The following DPP6 variants were observed in gnomAD, a reference collection of about 807,000 sequenced individuals.
DPP6 encodes the protein A-type potassium channel modulatory protein DPP6.
Under a neutral mutation model 122.6 loss-of-function variants are expected in DPP6, and 69 were observed. The ratio of observed to expected loss-of-function variants is 0.56; its 90% CI spans 0.46 to 0.69. DPP6 has a LOEUF of 0.69. DPP6 is among the 30% of genes least tolerant of loss of function. The pLI, the probability that DPP6 is intolerant of heterozygous loss-of-function variation, is 0.00. For missense variants in DPP6, 928 were observed against 1,116.9 expected (o/e 0.83, Z 2.41); for synonymous variants, 418 against 433.1 (o/e 0.97, Z 0.43).
At chr7:154,058,616 C>CA (rs1424836367) in intron 1 of DPP6, 4 of 148,348 alleles carry the variant, frequency 2.7e-5, no homozygotes, top group Admixed American at 2.7e-4. Flanking sequence ...CTTCCCCCCC[C>CA]AGCTTAGGAC....
At chr7:154,368,694 G>A (rs950830835) in intron 1 of DPP6, among the ~76,000 whole-genome samples, 1 of 152,212 alleles carries the variant, frequency 6.6e-6, no homozygotes, top group Non-Finnish European at 1.5e-5. Flanking sequence ...GCATTCCTAC[G>A]CATGATGTTA....
At chr7:154,159,521 T>G (rs1796867336) in intron 1 of DPP6, among the ~76,000 whole-genome samples, 1 of 152,266 alleles carries the variant, frequency 6.6e-6, no homozygotes, top group African/African-American at 2.4e-5. Context: ...TTTATTCAGA[T>G]CAAATGGATC....
chr7:154,266,447 T>C (rs952965991), intron 1 of DPP6, among the ~76,000 whole-genome samples: 7 of 152,076 alleles, frequency 4.6e-5, no homozygotes, highest in Admixed American at 4.6e-4. Flanking sequence ...GGTGTGGTGG[T>C]GCACACCTGT....
Position 154,011,588 on chromosome 7 carries a change from C to T in DPP6, c.51+123854C>T, listed in dbSNP as rs544095192. On this transcript the variant is annotated intron_variant, in intron 1 of 25. Coordinates refer to the DPP6 transcript ENST00000404039. ...TTCACTAAGAACATAACATCCAAGA[C>T]GAGAGATCAATTTTGCATATTATTA... Among the ~76,000 whole-genome samples, 45 of 152,168 alleles carry T rather than the reference C, an allele frequency of 3.0e-4. 1 individual carries two copies. The highest frequency in any genetic ancestry group is 2.1e-4 in the South Asian group (1 of 4,818).
At chr7:154,608,413 T>G (rs1471884284) in intron 5 of DPP6, among the ~76,000 whole-genome samples, 1 of 145,794 alleles carries the variant, frequency 6.9e-6, no homozygotes, top group Non-Finnish European at 1.5e-5. Context: ...CTGCAACCTC[T>G]GCCTCCCAGG....
At chr7:153,780,480 C>T in the DPP6 span, among the ~76,000 whole-genome samples, 2 of 152,078 alleles carry the variant, frequency 1.3e-5, no homozygotes, top group Non-Finnish European at 2.9e-5. Context: ...GTGCCAGGTA[C>T]ACAAACACAA....
the DPP6 span, among the ~76,000 whole-genome samples, chr7:153,806,770 A>G: frequency 6.6e-6 from 1 of 151,962 alleles, no homozygotes; most frequent in Non-Finnish European, 1.5e-5. Context: ...AGGAATGCCC[A>G]TTTCTCTTTG....
At chr7:154,610,688 T>G (rs1479925627) in intron 5 of DPP6, among the ~76,000 whole-genome samples, 1 of 149,088 alleles carries the variant, frequency 6.7e-6, no homozygotes, top group Non-Finnish European at 1.5e-5. Context: ...TTTTTTATTA[T>G]TTGTGTCTGT....
chr7:154,408,500 A>G (rs983535145), intron 1 of DPP6, among the ~76,000 whole-genome samples: 10 of 152,180 alleles, frequency 6.6e-5, no homozygotes, highest in Middle Eastern at 3.2e-3. Context: ...AAAAGTTTCA[A>G]TGATAGTACA....
At chr7:154,790,123 A>G (rs1797581385) in intron 10 of DPP6, among the ~76,000 whole-genome samples, 1 of 152,206 alleles carries the variant, frequency 6.6e-6, no homozygotes, top group African/African-American at 2.4e-5. Context: ...ACTTGAACCC[A>G]GGAGGCGGAG....
At position 154,733,056 on chromosome 7, in the gene DPP6, A is replaced by T. The variant is rs181346005; in HGVS notation, c.883+5169A>T. ...CCTGAGGCCCCCTTCTCCCAGTCAC[A>T]GCCCTTGCCACAGTCCCCACGGAGC... is the stretch of plus-strand genomic sequence containing the variant. On this transcript the variant is annotated intron_variant, in intron 8 of 25. Transcript: ENST00000377770. 3.3e-5 allele frequency among the ~76,000 whole-genome samples: 5 copies of T among 152,288 alleles called. No homozygotes were observed. In the East Asian group the frequency reaches 9.7e-4, roughly 29 times the overall value.
intron 5 of DPP6, among the ~76,000 whole-genome samples, chr7:154,603,381 G>A (rs1586717302): frequency 8.5e-6 from 1 of 117,982 alleles, no homozygotes; most frequent in Middle Eastern, 4.2e-3. Flanking sequence ...AATCATTCCA[G>A]GCTGGCTGTG....
chr7:153,845,117 T>C, the DPP6 span, among the ~76,000 whole-genome samples: 1 of 152,208 alleles, frequency 6.6e-6, no homozygotes, highest in Non-Finnish European at 1.5e-5. Context: ...TAATAGACAA[T>C]GTATTGTGAA....
At chr7:154,592,558 C>T (rs941767927) in intron 5 of DPP6, among the ~76,000 whole-genome samples, 6 of 152,112 alleles carry the variant, frequency 3.9e-5, no homozygotes, top group Non-Finnish European at 7.3e-5. Flanking sequence ...AGGCAGGACA[C>T]GTGCTCCACA....
At chr7:154,700,908 C>A (rs919832386) in intron 7 of DPP6, among the ~76,000 whole-genome samples, 8 of 152,194 alleles carry the variant, frequency 5.3e-5, no homozygotes, top group African/African-American at 1.9e-4. Context: ...AAATGAGATG[C>A]CCAGAGACCT....
Position 154,889,528 on chromosome 7 carries a change from C to T in DPP6, c.2449C>T (p.Gln817Ter). The T allele has an allele frequency of 6.2e-7, 1 of 1,603,534 alleles. No individual in the cohort carries two copies. The highest frequency in any genetic ancestry group is 8.5e-7 in the Non-Finnish European group (1 of 1,175,728). The change falls in exon 25 of 26, where the codon CAG (glutamine) becomes TAG (stop). Residue 817 changes from glutamine (Q) to a stop codon, truncating the protein, a stop_gained and splice_region_variant. Coordinates refer to ENST00000377770, the MANE Select transcript of DPP6 (RefSeq NM_130797.4). LOFTEE classifies it high-confidence loss of function. ...TAGGGGAAAGGCTAATTACAGCTTA[C>T]AGGTACAGTACGCATGTTACTCTGT... The part of the protein sequence containing the change: ...LIRGKANYSL[Q>*]IYPDESHYFT...
chr7:154,135,224 C>A (rs1387563727), intron 1 of DPP6, among the ~76,000 whole-genome samples: 3 of 151,310 alleles, frequency 2.0e-5, no homozygotes, highest in African/African-American at 7.3e-5. Flanking sequence ...ATTTATACTT[C>A]TATGAGCCCA....
At chr7:154,070,444 A>G (rs1803036791) in intron 1 of DPP6, among the ~76,000 whole-genome samples, 1 of 152,160 alleles carries the variant, frequency 6.6e-6, no homozygotes, top group Non-Finnish European at 1.5e-5. Context: ...ATTTTTGTTC[A>G]TTTTTAAAAG....
At chr7:154,527,384 G>A (rs1471865696) in intron 3 of DPP6, among the ~76,000 whole-genome samples, 1 of 152,102 alleles carries the variant, frequency 6.6e-6, no homozygotes, top group Non-Finnish European at 1.5e-5. Flanking sequence ...TTCATTTAGT[G>A]GGAAATGGTA....
Sources: allele counts gnomAD v4.1 joint callset (sites outside exome capture counted in the v4.1 genomes callset), GRCh38; gene constraint gnomAD v4.1.1; transcripts MANE v1.5; gene names NCBI Gene and HGNC (gene_info 2026-07-23, HGNC 2026-07-21).